Variants in ZNF667 observed in about 807,000 individuals in gnomAD.
The protein encoded by ZNF667 is zinc finger protein 667, also known as myocardial ischemic preconditioning upregulated 1 ortholog.
In ZNF667, 13 loss-of-function variants were observed where a neutral mutation model predicts 31.8. The observed-to-expected ratio is 0.41, with a 90% CI of 0.27 to 0.65. ZNF667 has a LOEUF of 0.65. Among genes scored for constraint, ZNF667 ranks in the 30% least tolerant of loss-of-function variants. ZNF667 has a pLI of 0.32. For synonymous variants in ZNF667, 228 were observed against 247.1 expected, an observed-to-expected ratio of 0.92 and a Z score of 0.73; for missense variants, 642 against 725.6, an observed-to-expected ratio of 0.88 and a Z score of 1.32.
chr19:56,476,201 C>T (rs1474288945), intron 1 of ZNF667, among the ~76,000 whole-genome samples: 2 of 152,140 alleles, frequency 1.3e-5, no homozygotes, highest in East Asian at 3.9e-4. Flanking sequence ...CAGCGGGGCG[C>T]CACAGTCCAT....
intron 6 of ZNF667, among the ~76,000 whole-genome samples, chr19:56,451,766 G>A (rs2042826851): frequency 6.7e-6 from 1 of 150,076 alleles, no homozygotes; most frequent in Admixed American, 6.7e-5. Flanking sequence ...CTACTCAGTA[G>A]GCCAAGGTGG....
intron 4 of ZNF667, 88 bp from the exon 5 acceptor site, chr19:56,460,903 G>A: frequency 7.4e-7 from 1 of 1,346,000 alleles, no homozygotes; most frequent in South Asian, 1.7e-5. Flanking sequence ...AAACATGGGA[G>A]ACACAAGGTA....
intron 6 of ZNF667, among the ~76,000 whole-genome samples, chr19:56,450,157 G>GCTAC (rs1239729279): frequency 6.6e-6 from 1 of 151,980 alleles, no homozygotes; most frequent in Admixed American, 6.6e-5. Flanking sequence ...TCCAAAGAAG[G>GCTAC]CTACCTCAGA....
chr19:56,470,716 T>C (rs1027367539), intron 3 of ZNF667, among the ~76,000 whole-genome samples: 2 of 152,106 alleles, frequency 1.3e-5, no homozygotes, highest in Non-Finnish European at 2.9e-5. Context: ...AATTTGAGCA[T>C]ATCATGTTAA....
In ZNF667 at chr19:56,440,471, C is replaced by T. The variant is rs576537691; in HGVS notation, c.*691G>A. 26 of 571,834 alleles carry T rather than the reference C, an allele frequency of 4.5e-5. No individual in the cohort carries two copies. The highest frequency in any genetic ancestry group is 1.8e-4 in the African/African-American group (9 of 49,054). The allele number at this position is 571,834 out of a possible 1,614,324, so 35.4% of individuals were successfully genotyped here. A position where few individuals can be genotyped will look rare whatever the true frequency, so the allele number is the denominator to read the frequency against. On this transcript the variant is annotated 3_prime_UTR_variant, in exon 7 of 7. Coordinates refer to ENST00000504904, the MANE Select transcript of ZNF667 (RefSeq NM_001321356.2). ...AGCTGAAAGTGGCACCCTGTTTTGC[C>T]GAGAAGTTCCTTATATTTGATAATT...
upstream of ZNF667, chr19:56,477,470 C>G (rs569346998): frequency 1.3e-3 from 205 of 152,470 alleles, no homozygotes; most frequent in African/African-American, 4.0e-3. Flanking sequence ...GGGGACAGTA[C>G]CACCAGCCCC....
At chr19:56,455,980 G>T (rs1480093794) in intron 6 of ZNF667, among the ~76,000 whole-genome samples, 1 of 151,990 alleles carries the variant, frequency 6.6e-6, no homozygotes, top group Non-Finnish European at 1.5e-5. Flanking sequence ...TGCATCTCCC[G>T]GACAGGAGAT....
Position 56,439,906 on chromosome 19 carries a change from C to T in ZNF667, c.*1256G>A, listed in dbSNP as rs566718212. 6.6e-6 allele frequency: 1 copy of T among 152,552 alleles called. No individual in the cohort carries two copies. Among genetic ancestry groups the T allele is most frequent in the South Asian group, 2.1e-4 (1 of 4,826 alleles). The allele number at this position is 152,552 out of a possible 1,614,324, so 9.4% of individuals were successfully genotyped here. On this transcript the variant is annotated 3_prime_UTR_variant, in exon 7 of 7. Coordinates refer to ENST00000504904, the MANE Select transcript of ZNF667 (RefSeq NM_001321356.2). ...ATCTCCTGACCTCATGATCCACTCGCCTTGGCCTCCCAAAGTGCTGGGATT... is the reference window on the plus strand; with the variant it reads ...ATCTCCTGACCTCATGATCCACTCGTCTTGGCCTCCCAAAGTGCTGGGATT...
chr19:56,466,911 T>C (rs1322717032), intron 3 of ZNF667: 4 of 430,018 alleles, frequency 9.3e-6, no homozygotes, highest in Non-Finnish European at 1.9e-5. Flanking sequence ...TTCCTTCTCC[T>C]GCTTTCTGAG....
chr19:56,475,197 C>G (rs1006123365), intron 1 of ZNF667: 1 of 152,176 alleles, frequency 6.6e-6, no homozygotes, highest in South Asian at 2.1e-4. Flanking sequence ...TTATTTTTGT[C>G]TCTCCTACTA....
chr19:56,467,043 G>T (rs1168237821), intron 3 of ZNF667: 1 of 456,598 alleles, frequency 2.2e-6, no homozygotes, highest in South Asian at 1.5e-5. Flanking sequence ...TCTGGATTGG[G>T]ACCCTCTTTT....
At chr19:56,475,459 CTCAA>C (rs1263944870) in intron 1 of ZNF667, 1 of 152,230 alleles carries the variant, frequency 6.6e-6, no homozygotes, top group Non-Finnish European at 1.5e-5. Context: ...TCACGGTCCT[CTCAA>C]TCAGAGTGAT....
chr19:56,450,078 C>G (rs985300853), intron 6 of ZNF667, among the ~76,000 whole-genome samples: 2 of 151,876 alleles, frequency 1.3e-5, no homozygotes, highest in African/African-American at 4.8e-5. Flanking sequence ...TAACAGAGAA[C>G]TTTCCAAACC....
intron 3 of ZNF667, among the ~76,000 whole-genome samples, chr19:56,471,077 T>C (rs1360308070): frequency 6.6e-6 from 1 of 152,058 alleles, no homozygotes; most frequent in Non-Finnish European, 1.5e-5. Flanking sequence ...CCTTCGTGAA[T>C]AGTTGAGCAC....
chr19:56,467,245 G>C (rs1265796148), intron 3 of ZNF667, among the ~76,000 whole-genome samples: 1 of 152,106 alleles, frequency 6.6e-6, no homozygotes, highest in East Asian at 1.9e-4. Flanking sequence ...TGGTAGACCA[G>C]AGTTATGGCC....
At chr19:56,464,071 C>G (rs544335170) in intron 3 of ZNF667, among the ~76,000 whole-genome samples, 1 of 151,668 alleles carries the variant, frequency 6.6e-6, no homozygotes, top group Non-Finnish European at 1.5e-5. Context: ...CTAGATGGAC[C>G]GTGTGTATAA....
At chr19:56,469,855 G>A in intron 3 of ZNF667, 1 of 448,904 alleles carries the variant, frequency 2.2e-6, no homozygotes, top group South Asian at 1.6e-5. Flanking sequence ...ATGACTGAAT[G>A]GCTTTGTAAT....
At chr19:56,454,408 C>T (rs2042892610) in intron 6 of ZNF667, among the ~76,000 whole-genome samples, 1 of 152,034 alleles carries the variant, frequency 6.6e-6, no homozygotes, top group Non-Finnish European at 1.5e-5. Context: ...CTGTAGGAAT[C>T]ATATTACCTA....
At chr19:56,469,938 C>T (rs1432349254) in intron 3 of ZNF667, 1 of 494,490 alleles carries the variant, frequency 2.0e-6, no homozygotes, top group Non-Finnish European at 4.0e-6. Context: ...TAGGGGTATG[C>T]TTCACATGTA....
Sources: allele counts gnomAD v4.1 joint callset (sites outside exome capture counted in the v4.1 genomes callset), GRCh38; gene constraint gnomAD v4.1.1; transcripts MANE v1.5; gene names NCBI Gene and HGNC (gene_info 2026-07-23, HGNC 2026-07-21).